The following ARRB2 variants were observed in gnomAD, a reference collection of about 807,000 sequenced individuals.
The protein encoded by ARRB2 is arrestin beta 2, also known as beta-arrestin-2.
In ARRB2, 21 loss-of-function variants were observed where a neutral mutation model predicts 53.4. That is an observed-to-expected ratio of 0.39 (90% confidence interval 0.28 to 0.57). The LOEUF (loss-of-function observed/expected upper bound fraction) is 0.57. ARRB2 is among the 20% of genes least tolerant of loss of function. The pLI is 0.55. For missense variants in ARRB2, 369 were observed against 527.5 expected (o/e 0.70, Z 2.94); for synonymous variants, 180 against 212.9 (o/e 0.85, Z 1.34).
At position 4,717,145 on chromosome 17, in the gene ARRB2, T is replaced by C; in HGVS notation, c.358-72T>C. 2 of 1,532,500 alleles carry C rather than the reference T, an allele frequency of 1.3e-6. No homozygotes were observed. The highest frequency in any genetic ancestry group is 9.0e-7 in the Non-Finnish European group (1 of 1,106,320). The allele number at this position is 1,532,500 out of a possible 1,614,324, so 94.9% of individuals were successfully genotyped here. On this transcript the variant is annotated intron_variant, in intron 5 of 14. Transcript: ENST00000269260. This position sits in a 1 kb window ranked among gnomAD's most constrained non-coding sequence, Gnocchi z 6.0. ...CACCACACCCAGCGTCTCCAGCCTC[T>C]TAGGTTGAGATTTGGAGGAAGATCT...
intron 11 of ARRB2, among the ~76,000 whole-genome samples, chr17:4,719,669 G>A (rs559429020): frequency 1.2e-4 from 19 of 152,132 alleles, no homozygotes; most frequent in Admixed American, 5.9e-4. Flanking sequence ...AGGTGAATTC[G>A]GAGTAAGGAC....
intron 10 of ARRB2, 84 bp from the exon 11 acceptor site, chr17:4,719,199 G>GACT: frequency 2.7e-6 from 4 of 1,504,212 alleles, no homozygotes; most frequent in Non-Finnish European, 3.6e-6. Context: ...ACTAGTGAGG[G>GACT]GGAGATGCTG....
In ARRB2 at chr17:4,721,171, C is replaced by T. The variant is rs1237423826; in HGVS notation, c.*132C>T. On this transcript the variant is annotated 3_prime_UTR_variant, in exon 15 of 15. Transcript: ENST00000269260. This position sits in a 1 kb window ranked among gnomAD's most constrained non-coding sequence, Gnocchi z 4.2. Reference sequence around the variant, plus strand: ...CACCTGGAAGCTTCTTCAACCAATCCCTTCACACTCTCTCCCCCATCCCCC... The same window carrying T: ...CACCTGGAAGCTTCTTCAACCAATCTCTTCACACTCTCTCCCCCATCCCCC... 2 of 839,664 alleles carry T rather than the reference C, an allele frequency of 2.4e-6. No homozygotes were observed. Among genetic ancestry groups the T allele is most frequent in the Non-Finnish European group, 3.8e-6 (2 of 532,292 alleles). The allele number at this position is 839,664 out of a possible 1,614,324, so 52.0% of individuals were successfully genotyped here. A position where few individuals can be genotyped will look rare whatever the true frequency, so the allele number is the denominator to read the frequency against.
At position 4,716,029 on chromosome 17, in the gene ARRB2, T is replaced by A; in HGVS notation, c.111T>A (p.Pro37=). ...DFVDHLDKVD[P]VDGVVLVDPD... ...TAGATCACCTGGACAAAGTGGACCC[T>A]GTAGGTAAGTTTTCCCAGAAAGGGA... The change falls in exon 3 of 15, where the codon CCT becomes CCA. Residue 37 remains proline, a synonymous_variant. Coordinates refer to ENST00000269260, the MANE Select transcript of ARRB2 (RefSeq NM_004313.4). 1.9e-6 allele frequency: 3 copies of A among 1,614,128 alleles called. No individual in the cohort carries two copies. Among genetic ancestry groups the A allele is most frequent in the Non-Finnish European group, 2.5e-6 (3 of 1,180,020 alleles).
rs917242096 is a variant in ARRB2, at chr17:4,716,922, C to T, written c.358-295C>T. ...CAATCTTGGTTCACTGCAACCTCCG[C>T]CTCCCAGGTTCAAGTGATTCTTATG... On this transcript the variant is annotated intron_variant, in intron 5 of 14. Coordinates refer to ENST00000269260, the MANE Select transcript of ARRB2 (RefSeq NM_004313.4). 4 of 597,584 alleles carry T rather than the reference C, an allele frequency of 6.7e-6. No homozygotes were observed. In the African/African-American group the frequency reaches 7.4e-5, roughly 11 times the overall value. The allele number at this position is 597,584 out of a possible 1,614,324, so 37.0% of individuals were successfully genotyped here. A position where few individuals can be genotyped will look rare whatever the true frequency, so the allele number is the denominator to read the frequency against.
In ARRB2 at chr17:4,720,381, C is replaced by A; in HGVS notation, c.1002-12C>A. ...TCGTCGTCCTCTTCACGATGCCTCT[C>A]CCCTTCCCCAGGGATGTCTCTGTGG... On this transcript the variant is annotated splice_polypyrimidine_tract_variant and intron_variant, in intron 12 of 14. Transcript: ENST00000269260. The A allele has an allele frequency of 6.2e-7, 1 of 1,613,796 alleles. No homozygotes were observed. Among genetic ancestry groups the A allele is most frequent in the South Asian group, 1.1e-5 (1 of 91,072 alleles).
At chr17:4,716,266 G>A (rs1290291142) in intron 4 of ARRB2, 75 bp downstream of exon 4, 40 of 1,608,754 alleles carry the variant, frequency 2.5e-5, no homozygotes, top group Admixed American at 6.7e-5. Flanking sequence ...TTGGAAGGGC[G>A]CCCCAGAGAG....
At chr17:4,716,366 TG>T in intron 4 of ARRB2, 45 bp from the exon 5 acceptor site, 1 of 1,614,018 alleles carries the variant, frequency 6.2e-7, no homozygotes, top group Non-Finnish European at 8.5e-7. Flanking sequence ...GCCAGGGGAC[TG>T]GGGAAGTGGG....
At chr17:4,716,777 C>CCCAGAGAGGAGGCAGA in intron 5 of ARRB2, 169 bp downstream of exon 5, 1 of 1,306,912 alleles carries the variant, frequency 7.7e-7, no homozygotes, top group Non-Finnish European at 1.0e-6. Context: ...GATTATCTGC[C>CCCAGAGAGGAGGCAGA]TCCTCTCTGG....
intron 1 of ARRB2, among the ~76,000 whole-genome samples, chr17:4,712,583 T>C (rs926807739): frequency 2.5e-4 from 38 of 152,232 alleles, no homozygotes; most frequent in Non-Finnish European, 5.4e-4. Flanking sequence ...CTGCTATCTA[T>C]CTGAGGATCC....
intron 1 of ARRB2, among the ~76,000 whole-genome samples, chr17:4,714,101 A>G (rs1337764391): frequency 6.6e-6 from 1 of 152,146 alleles, no homozygotes; most frequent in African/African-American, 2.4e-5. Flanking sequence ...GCCTAAATTA[A>G]TAAGGCCTCT....
rs749037613 is a variant in ARRB2, at chr17:4,714,966, T to A, written c.24-47T>A. On this transcript the variant is annotated intron_variant, in intron 1 of 14. Transcript: ENST00000269260. ...GGAGAGGGTCCTGGTGTGGGGTCCC[T>A]GCTGAGTCTGAGGGAGGCAGTGGGG... 24 of 1,573,106 alleles carry A rather than the reference T, an allele frequency of 1.5e-5. No individual in the cohort carries two copies. In the South Asian group the frequency reaches 2.7e-4, roughly 18 times the overall value.
Position 4,716,018 on chromosome 17 carries a change from A to C in ARRB2, c.100A>C (p.Lys34Gln), listed in dbSNP as rs756336915. 4 of 1,614,212 alleles carry C rather than the reference A, an allele frequency of 2.5e-6. No individual in the cohort carries two copies. In the South Asian group the frequency reaches 4.4e-5, roughly 18 times the overall value. ...GCGGGACTTCGTAGATCACCTGGAC[A>C]AAGTGGACCCTGTAGGTAAGTTTTC... Reference protein sequence around the residue: ...GKRDFVDHLDKVDPVDGVVLV... With the variant: ...GKRDFVDHLDQVDPVDGVVLV... Residue 34 changes from lysine to glutamine, a missense_variant, in exon 3 of 15, where the codon AAA (lysine) becomes CAA (glutamine). Coordinates refer to ENST00000269260, the MANE Select transcript of ARRB2 (RefSeq NM_004313.4).
intron 1 of ARRB2, among the ~76,000 whole-genome samples, chr17:4,712,195 G>A (rs1914476777): frequency 1.3e-5 from 2 of 152,208 alleles, no homozygotes; most frequent in Non-Finnish European, 2.9e-5. Flanking sequence ...ATGATGCCAC[G>A]GCACTCAGCT....
At position 4,715,213 on chromosome 17, in the gene ARRB2, A is replaced by G. The variant is rs1395076212; in HGVS notation, c.54+170A>G. ...TCCCTCCTGAAGCCCCTTGCCGCAG[A>G]GGCTGCTCAGCCTGAGCCAGCCACA... On this transcript the variant is annotated intron_variant, in intron 2 of 14. Coordinates refer to ENST00000269260, the MANE Select transcript of ARRB2 (RefSeq NM_004313.4). 8.9e-6 allele frequency: 7 copies of G among 790,834 alleles called. No individual in the cohort carries two copies. In the South Asian group the frequency reaches 1.3e-4, roughly 15 times the overall value. 49.0% of individuals were successfully genotyped at this position (790,834 alleles called of 1,614,324 possible). A position where few individuals can be genotyped will look rare whatever the true frequency, so the allele number is the denominator to read the frequency against.
intron 10 of ARRB2, 80 bp from the exon 11 acceptor site, chr17:4,719,203 G>A (rs1915422366): frequency 6.6e-7 from 1 of 1,518,144 alleles, no homozygotes; most frequent in Admixed American, 1.9e-5. Flanking sequence ...GTGAGGGGGA[G>A]ATGCTGCTTG....
At chr17:4,715,918 C>T (rs28365159) in intron 2 of ARRB2, 55 bp from the exon 3 acceptor site, 21,957 of 1,607,090 alleles carry the variant, frequency 0.014, 440 homozygotes, top group African/African-American at 0.089. Context: ...TTGAGGGCTC[C>T]GATGCCCTGT....
chr17:4,713,810 A>G (rs1347394675), intron 1 of ARRB2, among the ~76,000 whole-genome samples: 1 of 145,604 alleles, frequency 6.9e-6, no homozygotes, highest in African/African-American at 2.6e-5. Flanking sequence ...AAAAAAATAC[A>G]AAACATAGCC....
chr17:4,717,269 C>T lies in ARRB2; in HGVS notation c.410C>T (p.Thr137Ile), dbSNP rs1208635216. 8 of 1,614,112 alleles carry T rather than the reference C, an allele frequency of 5.0e-6. No homozygotes were observed. The highest frequency in any genetic ancestry group is 1.7e-5 in the Admixed American group (1 of 60,026). The change falls in exon 6 of 15, where the codon ACA (threonine) becomes ATA (isoleucine). Residue 137 changes from threonine to isoleucine, a missense_variant. Physicochemically the swap from Thr to Ile is moderately conservative, Grantham distance 89 (BLOSUM62 -1). Transcript: ENST00000269260. This position sits in a 1 kb window ranked among gnomAD's most constrained non-coding sequence, Gnocchi z 6.0. Reference sequence around the variant, plus strand: ...ACACTGCAGCCAGGCCCAGAGGATACAGGAAAGGTACGGGAGGAACAGCTC... The same window carrying T: ...ACACTGCAGCCAGGCCCAGAGGATATAGGAAAGGTACGGGAGGAACAGCTC... ...SVTLQPGPED[T>I]GKACGVDFEI...
Sources: gnomAD v4.1 joint callset for allele counts (sites outside exome capture counted in the v4.1 genomes callset) on GRCh38, gnomAD v4.1.1 for gene constraint, Gnocchi (gnomAD v3.1) non-coding constraint, MANE v1.5 for transcripts, NCBI Gene and HGNC (gene_info 2026-07-23, HGNC 2026-07-21) for gene names.